The following ANGPTL8 variants were observed in gnomAD, a reference collection of about 807,000 sequenced individuals.
The protein encoded by ANGPTL8 is angiopoietin like 8, also known as angiopoietin-like protein 8.
Under a neutral mutation model 22.6 loss-of-function variants are expected in ANGPTL8, and 24 were observed. The observed-to-expected ratio is 1.06, with a 90% confidence interval of 0.77 to 1.49. ANGPTL8 has a LOEUF of 1.49. Among genes scored for constraint, ANGPTL8 ranks in the 40% most tolerant of loss-of-function variants. The pLI is 0.00. For missense variants in ANGPTL8, 230 were observed against 259.6 expected (o/e 0.89, Z 0.78); for synonymous variants, 88 against 113.4 (o/e 0.78, Z 1.42).
intron 2 of ANGPTL8, among the ~76,000 whole-genome samples, chr19:11,241,043 G>C (rs1220061628): frequency 6.6e-6 from 1 of 150,674 alleles, no homozygotes; most frequent in Admixed American, 6.6e-5. Context: ...TCAGGAGTTC[G>C]AGACCACCCT....
Position 11,239,772 on chromosome 19 carries a change from G to T in ANGPTL8, c.135G>T (p.Leu45=), listed in dbSNP as rs775067650. Residue 45 remains leucine, a synonymous_variant, in exon 1 of 4, where the codon CTG becomes CTT. Coordinates refer to ENST00000252453, the MANE Select transcript of ANGPTL8 (RefSeq NM_018687.7). ...LTLLFHGTLQ[L]GQALNGVYRT... is the part of the protein sequence containing the mutation. ...TGCTCTTCCATGGGACCCTGCAGCTGGGCCAGGCCCTCAACGGTGTGTACA... is the reference window on the plus strand; with the variant it reads ...TGCTCTTCCATGGGACCCTGCAGCTTGGCCAGGCCCTCAACGGTGTGTACA... 1.9e-6 allele frequency: 3 copies of T among 1,611,158 alleles called. No homozygotes were observed. The highest frequency in any genetic ancestry group is 2.5e-6 in the Non-Finnish European group (3 of 1,178,874).
intron 1 of ANGPTL8, 93 bp downstream of exon 1, chr19:11,240,027 T>C: frequency 6.5e-7 from 1 of 1,547,634 alleles, no homozygotes. Context: ...TGCCCAGGAC[T>C]GAAGGGATTC....
chr19:11,240,217 G>A lies in ANGPTL8; in HGVS notation c.380G>A (p.Arg127Gln), dbSNP rs774148767. Residue 127 changes from arginine (R) to glutamine (Q), a missense_variant, in exon 2 of 4, where the codon CGG (arginine) becomes CAG (glutamine). Physicochemically the swap from Arg to Gln is conservative, Grantham distance 43. Transcript: ENST00000252453. ...GEVAQAQKVL[R>Q]DSVQRLEVQL... ...GTGGCCCAGGCACAGAAGGTGCTAC[G>A]GGACAGCGTGCAGCGGCTAGAAGTC... The A allele has an allele frequency of 2.2e-5, 35 of 1,568,044 alleles. No individual in the cohort carries two copies. In the South Asian group the frequency reaches 3.2e-4, roughly 14 times the overall value.
Position 11,241,600 on chromosome 19 carries a change from C to T in ANGPTL8, c.569+46C>T, listed in dbSNP as rs377337313. ...GCAGGCAGGGCAGTTGGATGGGGGG[C>T]GCACAGGGCAGCTGGAAAGGGGCCC... On this transcript the variant is annotated intron_variant, in intron 3 of 3. Coordinates refer to ENST00000252453, the MANE Select transcript of ANGPTL8 (RefSeq NM_018687.7). 129 of 1,556,932 alleles carry T rather than the reference C, an allele frequency of 8.3e-5. 1 individual carries two copies. In the East Asian group the frequency reaches 1.5e-3, roughly 18 times the overall value.
rs142800818 is a variant in ANGPTL8 at position 11,239,788 on chromosome 19, G to T, written c.151G>T (p.Gly51Cys). The T allele has an allele frequency of 1.9e-6, 3 of 1,609,374 alleles. No individual in the cohort carries two copies. Among genetic ancestry groups the T allele is most frequent in the Admixed American group, 3.4e-5 (2 of 58,976 alleles). ...GTLQLGQALNGVYRTTEGRLT... is the reference protein window; with the variant it reads ...GTLQLGQALNCVYRTTEGRLT... ...CCTGCAGCTGGGCCAGGCCCTCAAC[G>T]GTGTGTACAGGACCACGGAGGGACG... Residue 51 changes from glycine (G) to cysteine (C), a missense_variant, in exon 1 of 4, where the codon GGT (glycine) becomes TGT (cysteine). By Grantham distance (159) the Gly-to-Cys change is radical. Transcript: ENST00000252453.
At position 11,239,732 on chromosome 19, in the gene ANGPTL8, A is replaced by C; in HGVS notation, c.95A>C (p.His32Pro). The C allele has an allele frequency of 1.2e-6, 2 of 1,613,294 alleles. No homozygotes were observed. The highest frequency in any genetic ancestry group is 1.7e-6 in the Non-Finnish European group (2 of 1,179,700). The change falls in exon 1 of 4, where the codon CAT becomes CCT. Residue 32 changes from histidine to proline, a missense_variant. Coordinates refer to ENST00000252453, the MANE Select transcript of ANGPTL8 (RefSeq NM_018687.7). ...APMGGPELAQHEELTLLFHGT... is the reference protein window; with the variant it reads ...APMGGPELAQPEELTLLFHGT... The stretch of plus-strand genomic sequence containing the variant: ...ATGGGCGGCCCAGAACTGGCACAGC[A>C]TGAGGAGCTGACCCTGCTCTTCCAT...
In ANGPTL8 at chr19:11,241,493, G is replaced by A. The variant is rs375004104; in HGVS notation, c.508G>A (p.Val170Met). The A allele has an allele frequency of 3.8e-4, 594 of 1,553,444 alleles. 3 individuals are homozygous for A. The Middle Eastern group carries it at 4.4e-3, about 12-fold the overall frequency. The change falls in exon 3 of 4, where the codon GTG becomes ATG. Residue 170 changes from valine (V) to methionine (M), a missense_variant. Val to Met is a conservative substitution (Grantham distance 21). Coordinates refer to ENST00000252453, the MANE Select transcript of ANGPTL8 (RefSeq NM_018687.7). ...SHILWALTGH[V>M]QRQRREMVAQ... ...CATCCTATGGGCCCTCACAGGCCAC[G>A]TGCAGCGGCAGAGGCGGGAGATGGT...
intron 2 of ANGPTL8, 142 bp from the exon 3 acceptor site, chr19:11,241,303 C>T: frequency 1.6e-6 from 1 of 615,452 alleles, no homozygotes; most frequent in East Asian, 2.8e-5. Flanking sequence ...ATTTTATCCC[C>T]ATTTTACAGA....
At chr19:11,241,622 G>T in intron 3 of ANGPTL8, 38 bp from the exon 4 acceptor site, 2 of 1,563,560 alleles carry the variant, frequency 1.3e-6, no homozygotes, top group Non-Finnish European at 1.7e-6. Context: ...CTGGAAAGGG[G>T]CCCCCTCACC....
rs780602418 is a variant in ANGPTL8, at chr19:11,241,674, C to T, written c.584C>T (p.Ala195Val). Residue 195 changes from alanine to valine, a missense_variant, in exon 4 of 4, where the codon GCG (alanine) becomes GTG (valine). Physicochemically the swap from Ala to Val is moderately conservative, Grantham distance 64. Transcript: ENST00000252453. ...RQIQERLHTA[A>V]LPA ...TCCCTCCCCAGACTCCACACAGCGGCGCTCCCAGCCTGAATCTGCCTGGAT... is the reference window on the plus strand; with the variant it reads ...TCCCTCCCCAGACTCCACACAGCGGTGCTCCCAGCCTGAATCTGCCTGGAT... 15 of 1,583,194 alleles carry T rather than the reference C, an allele frequency of 9.5e-6. No homozygotes were observed. Among genetic ancestry groups the T allele is most frequent in the South Asian group, 3.5e-5 (3 of 86,010 alleles).
In ANGPTL8 at chr19:11,239,810, G is replaced by A. The variant is rs768721053; in HGVS notation, c.173G>A (p.Gly58Glu). The change falls in exon 1 of 4, where the codon GGA becomes GAA. Residue 58 changes from glycine to glutamate, a missense_variant. Gly to Glu is a moderately conservative substitution (Grantham distance 98). Coordinates refer to ENST00000252453, the MANE Select transcript of ANGPTL8 (RefSeq NM_018687.7). ...AACGGTGTGTACAGGACCACGGAGG[G>A]ACGGCTGACAAAGGCCAGGAACAGC... ...ALNGVYRTTE[G>E]RLTKARNSLG... 1.2e-6 allele frequency: 2 copies of A among 1,606,576 alleles called. No homozygotes were observed. Among genetic ancestry groups the A allele is most frequent in the African/African-American group, 2.7e-5 (2 of 74,820 alleles).
Position 11,241,503 on chromosome 19 carries a change from A to C in ANGPTL8, c.518A>C (p.Gln173Pro), listed in dbSNP as rs1362408219. ...LWALTGHVQR[Q>P]RREMVAQQHR... ...GCCCTCACAGGCCACGTGCAGCGGC[A>C]GAGGCGGGAGATGGTGGCACAGCAG... Residue 173 changes from glutamine to proline, a missense_variant, in exon 3 of 4, where the codon CAG becomes CCG. Transcript: ENST00000252453. 1.9e-6 allele frequency: 3 copies of C among 1,552,870 alleles called. No homozygotes were observed. The highest frequency in any genetic ancestry group is 3.9e-5 in the Admixed American group (2 of 51,104).
rs1245822175 is a variant in ANGPTL8 at position 11,239,793 on chromosome 19, GT to G, written c.157del (p.Tyr53ThrfsTer8). The G allele has an allele frequency of 6.2e-7, 1 of 1,609,094 alleles. No individual in the cohort carries two copies. Among genetic ancestry groups the G allele is most frequent in the Non-Finnish European group, 8.5e-7 (1 of 1,177,998 alleles). ...AGCTGGGCCAGGCCCTCAACGGTGT[GT>G]ACAGGACCACGGAGGGACGGCTGAC... ...LQLGQALNGVYRTTEGRLTKA... is the reference protein window; with the variant it reads ...LQLGQALNGVXRTTEGRLTKA... On this transcript the variant is annotated frameshift_variant, in exon 1 of 4. Coordinates refer to ENST00000252453, the MANE Select transcript of ANGPTL8 (RefSeq NM_018687.7). LOFTEE classifies it high-confidence loss of function.
rs1443869484 is a variant in ANGPTL8, at chr19:11,241,723, C to T, written c.*36C>T. Reference sequence around the variant, plus strand: ...ATGGAACTGAGGACCAATCATGCTGCAAGGAACACTTCCACGCCCCGTGAG... The same window carrying T: ...ATGGAACTGAGGACCAATCATGCTGTAAGGAACACTTCCACGCCCCGTGAG... On this transcript the variant is annotated 3_prime_UTR_variant, in exon 4 of 4. Transcript: ENST00000252453. 1.3e-6 allele frequency: 2 copies of T among 1,572,008 alleles called. No homozygotes were observed. The highest frequency in any genetic ancestry group is 1.9e-5 in the Admixed American group (1 of 53,524).
chr19:11,241,873 AG>A lies in ANGPTL8; in HGVS notation c.*190del, dbSNP rs959611985. ...GGCAGAGGATGTAGCCCCATTGGGG[AG>A]GGGTGGAGGAAGGACATGTACCCTT... On this transcript the variant is annotated 3_prime_UTR_variant, in exon 4 of 4. Coordinates refer to ENST00000252453, the MANE Select transcript of ANGPTL8 (RefSeq NM_018687.7). 7 of 1,254,474 alleles carry A rather than the reference AG, an allele frequency of 5.6e-6. No homozygotes were observed. In the African/African-American group the frequency reaches 8.9e-5, roughly 16 times the overall value. 77.7% of individuals were successfully genotyped at this position (1,254,474 alleles called of 1,614,324 possible). A position where few individuals can be genotyped will look rare whatever the true frequency, so the allele number is the denominator to read the frequency against.
In ANGPTL8 at chr19:11,239,796, C is replaced by A; in HGVS notation, c.159C>A (p.Tyr53Ter). Reference sequence around the variant, plus strand: ...TGGGCCAGGCCCTCAACGGTGTGTACAGGACCACGGAGGGACGGCTGACAA... The same window carrying A: ...TGGGCCAGGCCCTCAACGGTGTGTAAAGGACCACGGAGGGACGGCTGACAA... ...LQLGQALNGV[Y>*]RTTEGRLTKA... The change falls in exon 1 of 4, where the codon TAC becomes TAA. Residue 53 changes from tyrosine to a stop codon, truncating the protein, a stop_gained. Transcript: ENST00000252453. LOFTEE classifies it high-confidence loss of function. 6 of 1,608,654 alleles carry A rather than the reference C, an allele frequency of 3.7e-6. No individual in the cohort carries two copies. The highest frequency in any genetic ancestry group is 5.1e-6 in the Non-Finnish European group (6 of 1,177,720).
chr19:11,241,847 A>T lies in ANGPTL8; in HGVS notation c.*160A>T. On this transcript the variant is annotated 3_prime_UTR_variant, in exon 4 of 4. Transcript: ENST00000252453. ...CAGAGACAGACGCAGGCGGGGACAA[A>T]GGCAGAGGATGTAGCCCCATTGGGG... The T allele has an allele frequency of 7.4e-7, 1 of 1,351,580 alleles. No individual in the cohort carries two copies. Among genetic ancestry groups the T allele is most frequent in the Non-Finnish European group, 1.0e-6 (1 of 976,586 alleles). The allele number at this position is 1,351,580 out of a possible 1,614,324, so 83.7% of individuals were successfully genotyped here.
intron 2 of ANGPTL8, 39 bp from the exon 3 acceptor site, chr19:11,241,406 G>A: frequency 7.4e-7 from 1 of 1,346,998 alleles, no homozygotes. Flanking sequence ...TGGGAGGTGA[G>A]GTGGCTGTCG....
At chr19:11,241,371 G>A in intron 2 of ANGPTL8, 74 bp from the exon 3 acceptor site, 1 of 924,012 alleles carries the variant, frequency 1.1e-6, no homozygotes, top group Non-Finnish European at 1.7e-6. Flanking sequence ...GATACAATGA[G>A]GGGCTGGGGC....
Sources: gnomAD v4.1 joint callset for allele counts (sites outside exome capture counted in the v4.1 genomes callset) on GRCh38, gnomAD v4.1.1 for gene constraint, MANE v1.5 for transcripts, NCBI Gene and HGNC (gene_info 2026-07-23, HGNC 2026-07-21) for gene names.